CMC1: variants seen among roughly 807,000 people sequenced by gnomAD.
CMC1 encodes the protein COX assembly mitochondrial protein homolog.
In CMC1, 14 loss-of-function variants were observed where a neutral mutation model predicts 14.1. The observed-to-expected ratio is 0.99, with a 90% CI of 0.66 to 1.55. CMC1 has a LOEUF of 1.55. Among genes scored for constraint, CMC1 ranks in the 40% most tolerant of loss-of-function variants. CMC1 has a pLI of 0.00. For synonymous variants in CMC1, 50 were observed against 38.4 expected (o/e 1.30, Z -1.12); for missense variants, 127 against 123.8 (o/e 1.03, Z -0.12).
In CMC1 at chr3:28,321,208, A is replaced by G. The variant is rs1703176757; in HGVS notation, c.*1579A>G. ...GAGACCACACAGCATAGGGGCAAAC[A>G]TGCCCATATTTCCACATTGACCTTT... On this transcript the variant is annotated 3_prime_UTR_variant, in exon 4 of 4. Transcript: ENST00000466830. The G allele has an allele frequency of 6.6e-6, 1 of 151,470 alleles. No individual in the cohort carries two copies. Among genetic ancestry groups the G allele is most frequent in the Admixed American group, 6.6e-5 (1 of 15,152 alleles). The allele number at this position is 151,470 out of a possible 1,614,324, so 9.4% of individuals were successfully genotyped here. A position where few individuals can be genotyped will look rare whatever the true frequency, so the allele number is the denominator to read the frequency against.
intron 2 of CMC1, among the ~76,000 whole-genome samples, chr3:28,307,340 A>G (rs1702376833): frequency 6.6e-6 from 1 of 152,188 alleles, no homozygotes; most frequent in Non-Finnish European, 1.5e-5. Flanking sequence ...CCTGTGCAAT[A>G]TAGCAAGACC....
intron 1 of CMC1, among the ~76,000 whole-genome samples, chr3:28,253,541 A>G (rs1178526559): frequency 1.3e-5 from 2 of 152,102 alleles, no homozygotes; most frequent in African/African-American, 4.8e-5. Context: ...TGATCACGCC[A>G]TTGCGCCCTA....
intron 2 of CMC1, among the ~76,000 whole-genome samples, chr3:28,278,721 AAG>A (rs1425533534): frequency 2.0e-5 from 3 of 152,344 alleles, no homozygotes; most frequent in East Asian, 3.9e-4. Context: ...GCTCAATAAA[AAG>A]AGTAAATTAC....
In CMC1 at chr3:28,270,925, T is replaced by C. The variant is rs1378110411; in HGVS notation, c.109+7545T>C. ...AATTCATCTTGAGTTAATTTCTTTT[T>C]TTTTTTTTTTTTTTTTTGAGATGGA... On this transcript the variant is annotated intron_variant, in intron 2 of 3. Transcript: ENST00000466830. Among the ~76,000 whole-genome samples, 33 of 143,808 alleles carry C rather than the reference T, an allele frequency of 2.3e-4. No homozygotes were observed. The South Asian group carries it at 2.7e-3, about 12-fold the overall frequency. 94.3% of individuals were successfully genotyped at this position (143,808 alleles called of 152,430 possible). A position where few individuals can be genotyped will look rare whatever the true frequency, so the allele number is the denominator to read the frequency against.
At chr3:28,276,314 A>G (rs1036291081) in intron 2 of CMC1, among the ~76,000 whole-genome samples, 3 of 152,216 alleles carry the variant, frequency 2.0e-5, no homozygotes, top group African/African-American at 7.2e-5. Context: ...ATGGATGAAT[A>G]TAGTTTTTTA....
intron 2 of CMC1, among the ~76,000 whole-genome samples, chr3:28,308,741 T>C (rs1013314136): frequency 1.8e-4 from 28 of 152,106 alleles, no homozygotes; most frequent in African/African-American, 6.3e-4. Flanking sequence ...TCCCAGCACT[T>C]TGGGAGGCCG....
intron 2 of CMC1, among the ~76,000 whole-genome samples, chr3:28,292,181 T>A (rs1040501640): frequency 6.6e-6 from 1 of 152,140 alleles, no homozygotes; most frequent in Admixed American, 6.6e-5. Flanking sequence ...TTTCCTTTTT[T>A]CCTACTTTTT....
At chr3:28,252,239 T>C (rs1308615853) in intron 1 of CMC1, among the ~76,000 whole-genome samples, 1 of 152,140 alleles carries the variant, frequency 6.6e-6, no homozygotes, top group East Asian at 1.9e-4. Flanking sequence ...TGGGCACATC[T>C]AGTGTGAACA....
At chr3:28,249,592 G>C (rs1367839369) in intron 1 of CMC1, among the ~76,000 whole-genome samples, 1 of 152,058 alleles carries the variant, frequency 6.6e-6, no homozygotes, top group East Asian at 1.9e-4. Context: ...TCAATGCCTG[G>C]CTTTTACCCC....
intron 2 of CMC1, among the ~76,000 whole-genome samples, chr3:28,264,904 T>C (rs898667813): frequency 2.0e-5 from 3 of 152,160 alleles, no homozygotes. Context: ...ACAGATTTAA[T>C]TTTTACTGAC....
chr3:28,247,575 G>C (rs958468824), intron 1 of CMC1, among the ~76,000 whole-genome samples: 1 of 152,230 alleles, frequency 6.6e-6, no homozygotes, highest in Non-Finnish European at 1.5e-5. Context: ...TCCTGAGAAG[G>C]TTGCAGATGT....
intron 2 of CMC1, among the ~76,000 whole-genome samples, chr3:28,307,265 T>C (rs1482837789): frequency 6.6e-6 from 1 of 152,148 alleles, no homozygotes; most frequent in African/African-American, 2.4e-5. Flanking sequence ...TTCCTTTTTG[T>C]CCTTAAAAAT....
At chr3:28,307,183 C>T (rs1441190517) in intron 2 of CMC1, among the ~76,000 whole-genome samples, 1 of 152,078 alleles carries the variant, frequency 6.6e-6, no homozygotes, top group Non-Finnish European at 1.5e-5. Flanking sequence ...CAATGGGATA[C>T]AAGTTTTTGT....
chr3:28,302,981 TA>T (rs773789740), intron 2 of CMC1, among the ~76,000 whole-genome samples: 1 of 152,214 alleles, frequency 6.6e-6, no homozygotes, highest in Non-Finnish European at 1.5e-5. Context: ...TTTCTGAAGT[TA>T]AAAGACCTGG....
chr3:28,309,712 T>C (rs13085075), intron 2 of CMC1, among the ~76,000 whole-genome samples: 80,213 of 151,638 alleles, frequency 0.53, 21,716 homozygotes, highest in African/African-American at 0.57. Flanking sequence ...CATTCCACTG[T>C]GCAAACCCTT....
intron 2 of CMC1, among the ~76,000 whole-genome samples, chr3:28,281,145 G>T (rs922308825): frequency 6.6e-6 from 1 of 152,164 alleles, no homozygotes; most frequent in African/African-American, 2.4e-5. Flanking sequence ...GTAAATTTAT[G>T]AATACTTACC....
intron 2 of CMC1, among the ~76,000 whole-genome samples, chr3:28,270,667 G>A (rs1020092898): frequency 1.3e-5 from 2 of 151,872 alleles, no homozygotes; most frequent in African/African-American, 4.8e-5. Context: ...TGTCAGATGG[G>A]TAGATTGCCA....
At chr3:28,293,992 T>C (rs1701618964) in intron 2 of CMC1, among the ~76,000 whole-genome samples, 1 of 152,172 alleles carries the variant, frequency 6.6e-6, no homozygotes, top group South Asian at 2.1e-4. Context: ...TTGAACTATA[T>C]GGATTTCAAA....
chr3:28,308,988 AAAT>A (rs1292650805), intron 2 of CMC1, among the ~76,000 whole-genome samples: 846 of 43,182 alleles, frequency 0.02, 6 homozygotes, highest in Non-Finnish European at 0.027. Flanking sequence ...TCTCAAAAAA[AAAT>A]AAATAAATAA....
Sources: allele counts gnomAD v4.1 joint callset (sites outside exome capture counted in the v4.1 genomes callset), GRCh38; gene constraint gnomAD v4.1.1; transcripts MANE v1.5; gene names NCBI Gene and HGNC (gene_info 2026-07-23, HGNC 2026-07-21).